The following ARFIP1 variants were observed in gnomAD, a reference collection of about 807,000 sequenced individuals.
The protein encoded by ARFIP1 is arfaptin-1.
ARFIP1 carries 24 observed loss-of-function variants against 42.5 expected under a neutral mutation model. The ratio of observed to expected loss-of-function variants is 0.57; its 90% CI spans 0.41 to 0.80. ARFIP1 has a LOEUF of 0.80. Ranked by LOEUF, ARFIP1 falls within the 30% of genes least tolerant of loss-of-function variation. The pLI is 0.00. For missense variants in ARFIP1, 354 were observed against 434.0 expected, an observed-to-expected ratio of 0.82 and a Z score of 1.64; for synonymous variants, 141 against 153.7, an observed-to-expected ratio of 0.92 and a Z score of 0.61.
At chr4:152,822,973 T>A (rs982212913) in intron 1 of ARFIP1, among the ~76,000 whole-genome samples, 1 of 152,030 alleles carries the variant, frequency 6.6e-6, no homozygotes, top group African/African-American at 2.4e-5. Context: ...ATTGGCAACC[T>A]AACATCACAC....
At chr4:152,790,715 C>T (rs1266633092) in intron 1 of ARFIP1, among the ~76,000 whole-genome samples, 1 of 146,782 alleles carries the variant, frequency 6.8e-6, no homozygotes, top group African/African-American at 2.5e-5. Flanking sequence ...ATTATCTAGA[C>T]TGATGTGTTT....
chr4:152,891,690 ATTTGTTTGTTCG>A (rs1001642988), intron 8 of ARFIP1, among the ~76,000 whole-genome samples: 1 of 151,692 alleles, frequency 6.6e-6, no homozygotes, highest in African/African-American at 2.4e-5. Context: ...TAGCACTTTA[ATTTGTTTGTTCG>A]TTTGTTTGTT....
intron 1 of ARFIP1, among the ~76,000 whole-genome samples, chr4:152,798,318 A>G (rs777495640): frequency 1.2e-4 from 18 of 152,328 alleles, no homozygotes; most frequent in Non-Finnish European, 2.2e-4. Flanking sequence ...TCCTGATCTT[A>G]GTGGAAATGC....
chr4:152,904,426 G>A (rs951763935), intron 8 of ARFIP1, among the ~76,000 whole-genome samples: 79 of 151,844 alleles, frequency 5.2e-4, no homozygotes, highest in African/African-American at 1.8e-3. Flanking sequence ...TCCAGACCTC[G>A]TGATCTGCCC....
At position 152,910,145 on chromosome 4, in the gene ARFIP1, C is replaced by G; in HGVS notation, c.1048C>G (p.Gln350Glu). 3 of 1,614,140 alleles carry G rather than the reference C, an allele frequency of 1.9e-6. No individual in the cohort carries two copies. Among genetic ancestry groups the G allele is most frequent in the Non-Finnish European group, 2.5e-6 (3 of 1,179,992 alleles). Residue 350 changes from glutamine (Q) to glutamate (E), a missense_variant, in exon 9 of 9, where the codon CAG becomes GAG. Gln to Glu is a conservative substitution (Grantham distance 29, BLOSUM62 2). Transcript: ENST00000353617. ...YFAGNQKQLE[Q>E]TLKQFHIKLK... ...TGCTGGGAATCAGAAGCAGCTTGAA[C>G]AGACACTTAAACAGTTCCATATCAA...
chr4:152,896,048 A>AG (rs1737293203), intron 8 of ARFIP1, among the ~76,000 whole-genome samples: 1 of 152,020 alleles, frequency 6.6e-6, no homozygotes, highest in Non-Finnish European at 1.5e-5. Context: ...GGACTTGGCC[A>AG]GGTGTGTGTG....
intron 3 of ARFIP1, among the ~76,000 whole-genome samples, chr4:152,865,297 G>A (rs144367239): frequency 0.027 from 4,146 of 151,918 alleles, 72 homozygotes; most frequent in Non-Finnish European, 0.043. Flanking sequence ...CCACCATGCC[G>A]GGCTAATTTT....
At chr4:152,818,765 A>C (rs914194577) in intron 1 of ARFIP1, among the ~76,000 whole-genome samples, 1 of 152,144 alleles carries the variant, frequency 6.6e-6, no homozygotes, top group African/African-American at 2.4e-5. Flanking sequence ...CCTAGGACCT[A>C]GGTGGCTGCT....
intron 3 of ARFIP1, among the ~76,000 whole-genome samples, chr4:152,865,193 A>C (rs1314815529): frequency 1.3e-5 from 2 of 151,838 alleles, no homozygotes; most frequent in East Asian, 3.9e-4. Context: ...GCTGGAGTGC[A>C]GTGGCATGAT....
intron 2 of ARFIP1, among the ~76,000 whole-genome samples, chr4:152,842,581 G>A (rs1254509442): frequency 6.6e-6 from 1 of 152,108 alleles, no homozygotes; most frequent in African/African-American, 2.4e-5. Context: ...CATAATCCCA[G>A]ACTTCTTGGA....
chr4:152,786,788 A>G (rs1242703981), intron 1 of ARFIP1, among the ~76,000 whole-genome samples: 1 of 152,172 alleles, frequency 6.6e-6, no homozygotes, highest in South Asian at 2.1e-4. Flanking sequence ...CAGTTCAACC[A>G]TGCTGGCCTT....
intron 5 of ARFIP1, among the ~76,000 whole-genome samples, chr4:152,873,301 G>A (rs1048696876): frequency 6.6e-6 from 1 of 152,076 alleles, no homozygotes; most frequent in Non-Finnish European, 1.5e-5. Context: ...TGGTAAATTA[G>A]GAATTGTCTG....
At chr4:152,818,308 G>A (rs1001244898) in intron 1 of ARFIP1, among the ~76,000 whole-genome samples, 2 of 152,188 alleles carry the variant, frequency 1.3e-5, no homozygotes, top group African/African-American at 4.8e-5. Context: ...GACAGCTGCC[G>A]TGACACACAC....
At chr4:152,903,382 A>T (rs995021579) in intron 8 of ARFIP1, among the ~76,000 whole-genome samples, 1 of 152,202 alleles carries the variant, frequency 6.6e-6, no homozygotes, top group Non-Finnish European at 1.5e-5. Context: ...GAGATAAATT[A>T]TCTGTTTTGT....
At chr4:152,832,684 C>G (rs370710005) in intron 2 of ARFIP1, among the ~76,000 whole-genome samples, 2 of 152,108 alleles carry the variant, frequency 1.3e-5, no homozygotes, top group African/African-American at 4.8e-5. Flanking sequence ...TTTGTTTCTT[C>G]TAAAAGTTGT....
chr4:152,787,388 C>T lies in ARFIP1; in HGVS notation c.-10+7162C>T, dbSNP rs1338440389. 3.3e-5 allele frequency among the ~76,000 whole-genome samples: 5 copies of T among 152,212 alleles called. No individual in the cohort carries two copies. In the East Asian group the frequency reaches 9.6e-4, roughly 29 times the overall value. ...CTACACCCAACTTTATGTGATGAAT[C>T]AAAGTCAGAATGCAGGTGTACAACA... On this transcript the variant is annotated intron_variant, in intron 1 of 8. Transcript: ENST00000353617.
At chr4:152,834,299 G>A (rs2149850157) in intron 2 of ARFIP1, among the ~76,000 whole-genome samples, 1 of 152,224 alleles carries the variant, frequency 6.6e-6, no homozygotes, top group African/African-American at 2.4e-5. Context: ...TAAATCTCTT[G>A]TTCTCACATT....
intron 2 of ARFIP1, among the ~76,000 whole-genome samples, chr4:152,838,218 A>T (rs1427237722): frequency 6.6e-6 from 1 of 151,952 alleles, no homozygotes. Context: ...ATGCCTCCAG[A>T]TGTGTTGTTT....
chr4:152,859,683 T>C (rs756758215), intron 2 of ARFIP1, among the ~76,000 whole-genome samples: 133 of 152,134 alleles, frequency 8.7e-4, no homozygotes, highest in Admixed American at 7.9e-4. Context: ...GTACTCTGTA[T>C]ATTCCTTACT....
Sources: gnomAD v4.1 joint callset for allele counts (sites outside exome capture counted in the v4.1 genomes callset) on GRCh38, gnomAD v4.1.1 for gene constraint, MANE v1.5 for transcripts, NCBI Gene and HGNC (gene_info 2026-07-23, HGNC 2026-07-21) for gene names.